Variants in SEMA3E observed in about 807,000 individuals in gnomAD.
SEMA3E encodes the protein semaphorin-3E.
Under a neutral mutation model 93.6 loss-of-function variants are expected in SEMA3E, and 49 were observed. The observed-to-expected ratio is 0.52, with a 90% CI of 0.42 to 0.66. The LOEUF (loss-of-function observed/expected upper bound fraction) is 0.66, where lower values mean the gene tolerates loss of function less well. Ranked by LOEUF, SEMA3E falls within the 30% of genes least tolerant of loss-of-function variation. The probability of loss-of-function intolerance (pLI) is 0.00; values close to 1 mark genes in which losing one functional copy is unlikely to be tolerated. For missense variants in SEMA3E, 906 were observed against 964.8 expected, an observed-to-expected ratio of 0.94 and a Z score of 0.81; for synonymous variants, 363 against 330.7, an observed-to-expected ratio of 1.10 and a Z score of -1.06.
intron 1 of SEMA3E, among the ~76,000 whole-genome samples, chr7:83,642,129 T>G (rs1312062312): frequency 2.0e-5 from 3 of 152,158 alleles, no homozygotes; most frequent in African/African-American, 7.2e-5. Context: ...AGCTACAAAC[T>G]AAATCCTTGA....
chr7:83,520,873 G>A (rs1309253903), intron 1 of SEMA3E, among the ~76,000 whole-genome samples: 3 of 152,160 alleles, frequency 2.0e-5, no homozygotes, highest in African/African-American at 7.2e-5. Flanking sequence ...AGAATAAGCT[G>A]GAATATTGCC....
intron 1 of SEMA3E, among the ~76,000 whole-genome samples, chr7:83,568,622 G>C (rs1036233393): frequency 6.6e-6 from 1 of 151,970 alleles, no homozygotes; most frequent in East Asian, 1.9e-4. Flanking sequence ...AAGCACAAAA[G>C]CCATGCTCAT....
At chr7:83,414,141 T>C (rs1788496869) in intron 5 of SEMA3E, among the ~76,000 whole-genome samples, 1 of 152,170 alleles carries the variant, frequency 6.6e-6, no homozygotes, top group South Asian at 2.1e-4. Context: ...TAACCTGAAG[T>C]CTATGTTTCT....
At chr7:83,585,279 C>G (rs905664441) in intron 1 of SEMA3E, among the ~76,000 whole-genome samples, 1 of 152,190 alleles carries the variant, frequency 6.6e-6, no homozygotes, top group Non-Finnish European at 1.5e-5. Context: ...TTTCATAACA[C>G]TCACTAAAAT....
intron 6 of SEMA3E, among the ~76,000 whole-genome samples, chr7:83,407,865 TA>T (rs1300460823): frequency 6.6e-6 from 1 of 152,104 alleles, no homozygotes; most frequent in Non-Finnish European, 1.5e-5. Flanking sequence ...ATGCTCACCA[TA>T]AAACAATATT....
intron 16 of SEMA3E, among the ~76,000 whole-genome samples, chr7:83,384,707 C>T (rs1787845063): frequency 1.3e-5 from 2 of 152,038 alleles, no homozygotes; most frequent in African/African-American, 4.8e-5. Context: ...ATTCTTCCAT[C>T]TCTACAAGCA....
At chr7:83,561,200 G>A (rs967779253) in intron 1 of SEMA3E, among the ~76,000 whole-genome samples, 3 of 151,862 alleles carry the variant, frequency 2.0e-5, no homozygotes, top group Non-Finnish European at 4.4e-5. Context: ...AATTAGTCAC[G>A]GTTTTTCAAC....
intron 3 of SEMA3E, among the ~76,000 whole-genome samples, chr7:83,467,984 T>C (rs1234996263): frequency 6.6e-6 from 1 of 152,234 alleles, no homozygotes; most frequent in Admixed American, 6.5e-5. Flanking sequence ...GTGTTGCCAT[T>C]CCATTAAAAA....
intron 16 of SEMA3E, among the ~76,000 whole-genome samples, chr7:83,377,723 T>C (rs1252652587): frequency 6.6e-6 from 1 of 152,038 alleles, no homozygotes; most frequent in East Asian, 1.9e-4. Context: ...GAAGAAGCCA[T>C]GGTTTTCTTT....
intron 4 of SEMA3E, among the ~76,000 whole-genome samples, chr7:83,458,523 T>C (rs1562791028): frequency 6.6e-6 from 1 of 151,988 alleles, no homozygotes. Flanking sequence ...CCCTTATAAA[T>C]TATCTTCAAC....
intron 2 of SEMA3E, among the ~76,000 whole-genome samples, chr7:83,474,756 A>G (rs937153284): frequency 1.1e-4 from 17 of 152,338 alleles, no homozygotes; most frequent in African/African-American, 4.1e-4. Context: ...TGACCCCACT[A>G]TAGGTCGAAT....
At chr7:83,381,827 G>A (rs1787784355) in intron 16 of SEMA3E, among the ~76,000 whole-genome samples, 1 of 151,934 alleles carries the variant, frequency 6.6e-6, no homozygotes, top group Non-Finnish European at 1.5e-5. Context: ...TATAGTAGAA[G>A]CTTGAAAAGG....
At chr7:83,380,603 T>C (rs1787757156) in intron 16 of SEMA3E, among the ~76,000 whole-genome samples, 1 of 152,014 alleles carries the variant, frequency 6.6e-6, no homozygotes, top group South Asian at 2.1e-4. Flanking sequence ...ATGAATCGTT[T>C]CCCAGTTGGT....
chr7:83,413,478 A>G (rs752313598), intron 5 of SEMA3E, among the ~76,000 whole-genome samples: 2 of 152,168 alleles, frequency 1.3e-5, no homozygotes, highest in Non-Finnish European at 2.9e-5. Context: ...ACATTATTCT[A>G]TTGTGGATGG....
At chr7:83,618,702 A>G (rs1157012528) in intron 1 of SEMA3E, among the ~76,000 whole-genome samples, 1 of 152,010 alleles carries the variant, frequency 6.6e-6, no homozygotes, top group Non-Finnish European at 1.5e-5. Flanking sequence ...ATAAATGTCA[A>G]TATAAAAGAC....
chr7:83,400,449 T>C (rs767703552), intron 10 of SEMA3E, among the ~76,000 whole-genome samples, 199 bp from the exon 11 acceptor site: 5 of 152,138 alleles, frequency 3.3e-5, no homozygotes, highest in Non-Finnish European at 7.4e-5. Context: ...GTTTGTTATA[T>C]AGGTAAACTC....
intron 16 of SEMA3E, among the ~76,000 whole-genome samples, chr7:83,374,206 C>CAAAAAAAAAAAAAAAAAAAAAAAACA (rs71074647): frequency 1.1e-5 from 1 of 93,350 alleles, no homozygotes; most frequent in African/African-American, 4.4e-5. Context: ...AACTGCGTCT[C>CAAAAAAAAAAAAAAAAAAAAAAAACA]AAAAAAAAAA....
chr7:83,582,692 C>T (rs1018082420), intron 1 of SEMA3E, among the ~76,000 whole-genome samples: 2 of 151,978 alleles, frequency 1.3e-5, no homozygotes, highest in Non-Finnish European at 2.9e-5. Flanking sequence ...ATTAAATTGT[C>T]CAGTTATAGG....
At chr7:83,505,441 T>C (rs1216107138) in intron 1 of SEMA3E, among the ~76,000 whole-genome samples, 1 of 152,208 alleles carries the variant, frequency 6.6e-6, no homozygotes, top group African/African-American at 2.4e-5. Flanking sequence ...AAGATACCTG[T>C]TTTGTTCCCA....
Sources: gnomAD v4.1 joint callset for allele counts (sites outside exome capture counted in the v4.1 genomes callset) on GRCh38, gnomAD v4.1.1 for gene constraint, MANE v1.5 for transcripts, NCBI Gene and HGNC (gene_info 2026-07-23, HGNC 2026-07-21) for gene names.